Variants in PDE3B observed in about 807,000 individuals in gnomAD.
The protein encoded by PDE3B is cGMP-inhibited 3',5'-cyclic phosphodiesterase 3B.
A neutral mutation model predicts 116.8 loss-of-function variants in PDE3B; 66 were observed. The ratio of observed to expected loss-of-function variants is 0.56; its 90% CI spans 0.46 to 0.69. The LOEUF (loss-of-function observed/expected upper bound fraction) is 0.69, where lower values mean the gene tolerates loss of function less well. Among genes scored for constraint, PDE3B ranks in the 30% least tolerant of loss-of-function variants. PDE3B has a pLI of 0.00. For synonymous variants in PDE3B, 595 were observed against 533.6 expected (o/e 1.12, Z -1.59); for missense variants, 1,384 against 1,368.1 (o/e 1.01, Z -0.18).
At chr11:14,852,351 G>A (rs1459109215) in intron 12 of PDE3B, among the ~76,000 whole-genome samples, 7 of 152,064 alleles carry the variant, frequency 4.6e-5, no homozygotes. Flanking sequence ...CTACCATGCC[G>A]GCCTACTCTA....
At chr11:14,776,381 C>G (rs1161801182) in intron 2 of PDE3B, 1 of 152,236 alleles carries the variant, frequency 6.6e-6, no homozygotes, top group Non-Finnish European at 1.5e-5. Flanking sequence ...AAATGCCTAG[C>G]CCAGAAAGTG....
At chr11:14,667,358 A>G (rs1854196954) in intron 1 of PDE3B, among the ~76,000 whole-genome samples, 1 of 151,858 alleles carries the variant, frequency 6.6e-6, no homozygotes, top group East Asian at 1.9e-4. Flanking sequence ...TGAGTGCAGC[A>G]CACCAGCATG....
chr11:14,803,266 A>G (rs1185488735), intron 4 of PDE3B, among the ~76,000 whole-genome samples: 4 of 152,214 alleles, frequency 2.6e-5, no homozygotes, highest in African/African-American at 4.8e-5. Flanking sequence ...TTTTCACACA[A>G]TGAAAATATG....
At chr11:14,880,107 G>C in the PDE3B span, 7 of 1,610,492 alleles carry the variant, frequency 4.3e-6, no homozygotes, top group Middle Eastern at 1.6e-4. Flanking sequence ...TGTAAGGATA[G>C]ACCCTGAGAT....
In PDE3B at chr11:14,871,598, C is replaced by T. The variant is rs1477424768; in HGVS notation, c.*1938C>T. On this transcript the variant is annotated 3_prime_UTR_variant, in exon 16 of 16. Coordinates refer to ENST00000282096, the MANE Select transcript of PDE3B (RefSeq NM_000922.4). The stretch of plus-strand genomic sequence containing the variant: ...GGGTTTCTTTAGTTTATGTTGTTTT[C>T]TCAAAAGCAGCATTTTAAATTACGA... 3 of 151,890 alleles carry T rather than the reference C, an allele frequency of 2.0e-5. No homozygotes were observed. The South Asian group carries it at 6.2e-4, about 31-fold the overall frequency. 9.4% of individuals were successfully genotyped at this position (151,890 alleles called of 1,614,324 possible). A position where few individuals can be genotyped will look rare whatever the true frequency, so the allele number is the denominator to read the frequency against.
intron 11 of PDE3B, among the ~76,000 whole-genome samples, chr11:14,841,480 TG>T (rs1195705843): frequency 6.7e-6 from 1 of 150,160 alleles, no homozygotes; most frequent in Non-Finnish European, 1.5e-5. Context: ...GTGGACAAAA[TG>T]ATCTCTTATC....
intron 1 of PDE3B, among the ~76,000 whole-genome samples, chr11:14,647,693 TTTCC>T (rs1405998243): frequency 6.6e-6 from 1 of 152,016 alleles, no homozygotes; most frequent in Non-Finnish European, 1.5e-5. Flanking sequence ...TACATGTTCA[TTTCC>T]TTAAGAATTT....
Position 14,841,923 on chromosome 11 carries a change from G to GTGGT in PDE3B, c.2321-1904_2321-1903insTGGT, listed in dbSNP as rs1161311172. Among the ~76,000 whole-genome samples the GTGGT allele has an allele frequency of 3.9e-3, 595 of 151,136 alleles. 3 individuals are homozygous for GTGGT. The highest frequency in any genetic ancestry group is 0.014 in the African/African-American group (568 of 41,102). On this transcript the variant is annotated intron_variant, in intron 11 of 15. Coordinates refer to ENST00000282096, the MANE Select transcript of PDE3B (RefSeq NM_000922.4). ...GTTCTTTTTGCTCAAGATTGCTTTG[G>GTGGT]CTACTTGGAATGTTTTTGTGGTGCC...
At chr11:14,659,078 A>C (rs1853808787) in intron 1 of PDE3B, among the ~76,000 whole-genome samples, 1 of 152,214 alleles carries the variant, frequency 6.6e-6, no homozygotes, top group Non-Finnish European at 1.5e-5. Context: ...AAAACCCAGC[A>C]AAAATCTTCT....
At position 14,812,639 on chromosome 11, in the gene PDE3B, C is replaced by A. The variant is rs532931212; in HGVS notation, c.1523-5544C>A. ...CACTGATACAAAAATGATAAAAAAT[C>A]TGAAGAGTCATATATCTTCTAACGA... On this transcript the variant is annotated intron_variant, in intron 5 of 15. Coordinates refer to ENST00000282096, the MANE Select transcript of PDE3B (RefSeq NM_000922.4). Among the ~76,000 whole-genome samples the A allele has an allele frequency of 2.1e-4, 32 of 152,258 alleles. No homozygotes were observed. In the South Asian group the frequency reaches 6.4e-3, roughly 31 times the overall value.
chr11:14,714,645 T>C (rs1224545968), intron 1 of PDE3B, among the ~76,000 whole-genome samples: 2 of 152,076 alleles, frequency 1.3e-5, no homozygotes, highest in Non-Finnish European at 2.9e-5. Context: ...TGCCCCAAGA[T>C]GGTGCCAATG....
chr11:14,674,598 A>G (rs1854475862), intron 1 of PDE3B: 3 of 309,454 alleles, frequency 9.7e-6, no homozygotes, highest in Admixed American at 9.2e-5. Context: ...ACCACCCCCA[A>G]CTAAAACTTT....
chr11:14,664,870 C>G lies in PDE3B; in HGVS notation c.978+19817C>G, dbSNP rs1360345180. On this transcript the variant is annotated intron_variant, in intron 1 of 15. Coordinates refer to ENST00000282096, the MANE Select transcript of PDE3B (RefSeq NM_000922.4). ...GGAGCTGGTACCATTCCTCCTGAAA[C>G]TATTCCAATCAATAGAAAAAGAGGG... Among the ~76,000 whole-genome samples the G allele has an allele frequency of 2.6e-5, 4 of 152,302 alleles. No individual in the cohort carries two copies. The East Asian group carries it at 7.7e-4, about 29-fold the overall frequency.
intron 2 of PDE3B, among the ~76,000 whole-genome samples, chr11:14,780,499 G>A (rs958956864): frequency 6.6e-6 from 1 of 152,140 alleles, no homozygotes; most frequent in African/African-American, 2.4e-5. Context: ...CTGGAACTCA[G>A]GATTAAGAAA....
intron 1 of PDE3B, among the ~76,000 whole-genome samples, chr11:14,742,913 T>C (rs1468800077): frequency 6.6e-6 from 1 of 152,096 alleles, no homozygotes; most frequent in Non-Finnish European, 1.5e-5. Flanking sequence ...ACAGTAAAGA[T>C]TGCTGACTGT....
At chr11:14,655,643 G>A (rs569807847) in intron 1 of PDE3B, among the ~76,000 whole-genome samples, 12 of 152,218 alleles carry the variant, frequency 7.9e-5, no homozygotes, top group Admixed American at 1.3e-4. Context: ...TGTTCCAGTC[G>A]AGCACCTCAT....
At chr11:14,783,010 G>T (rs895550177) in intron 2 of PDE3B, among the ~76,000 whole-genome samples, 1 of 151,958 alleles carries the variant, frequency 6.6e-6, no homozygotes, top group African/African-American at 2.4e-5. Flanking sequence ...ACACTTGAAT[G>T]CTCATCATCA....
chr11:14,697,540 T>C (rs1158851710), intron 1 of PDE3B, among the ~76,000 whole-genome samples: 1 of 152,120 alleles, frequency 6.6e-6, no homozygotes, highest in East Asian at 1.9e-4. Context: ...ACTTTGTTCT[T>C]AAAGATTGCC....
intron 1 of PDE3B, among the ~76,000 whole-genome samples, chr11:14,646,308 T>C (rs1364643166): frequency 6.6e-6 from 1 of 152,198 alleles, no homozygotes. Context: ...GCTACTACAT[T>C]GGTTTTATGA....
Sources: allele counts gnomAD v4.1 joint callset (sites outside exome capture counted in the v4.1 genomes callset), GRCh38; gene constraint gnomAD v4.1.1; transcripts MANE v1.5; gene names NCBI Gene and HGNC (gene_info 2026-07-23, HGNC 2026-07-21).